The following TMC7 variants were observed in gnomAD, a reference collection of about 807,000 sequenced individuals.
TMC7 encodes transmembrane channel like 7.
TMC7 carries 54 observed loss-of-function variants against 82.9 expected under a neutral mutation model. That is an observed-to-expected ratio of 0.65 (90% CI 0.52 to 0.82). TMC7 has a LOEUF of 0.82. Among genes scored for constraint, TMC7 ranks in the 40% least tolerant of loss-of-function variants. The pLI, the probability that TMC7 is intolerant of heterozygous loss-of-function variation, is 0.00. For synonymous variants in TMC7, 350 were observed against 337.9 expected (o/e 1.04, Z -0.39); for missense variants, 820 against 901.2 (o/e 0.91, Z 1.15).
intron 2 of TMC7, among the ~76,000 whole-genome samples, chr16:19,010,519 G>T (rs150372966): frequency 5.8e-4 from 88 of 152,290 alleles, no homozygotes; most frequent in African/African-American, 2.0e-3. Flanking sequence ...CAGCCATTCA[G>T]GGACCCAGGC....
intron 13 of TMC7, among the ~76,000 whole-genome samples, chr16:19,054,951 T>C (rs1486070011): frequency 1.3e-5 from 2 of 152,042 alleles, no homozygotes; most frequent in South Asian, 2.1e-4. Context: ...TTTCGCCATA[T>C]TGGGCAGGCT....
At chr16:19,023,500 G>T (rs762615659) in intron 5 of TMC7, among the ~76,000 whole-genome samples, 1 of 152,278 alleles carries the variant, frequency 6.6e-6, no homozygotes, top group South Asian at 2.1e-4. Context: ...AGGCTGGAGT[G>T]CAGTGGTGCA....
In TMC7 at chr16:18,989,044, C is replaced by T. The variant is rs560574298; in HGVS notation, c.67+4914C>T. Reference sequence around the variant, plus strand: ...CTCCAGCCTGGGCAACAGAGTGAGACTCTGTCTCAAAAAAAAAAAAAAAAG... The same window carrying T: ...CTCCAGCCTGGGCAACAGAGTGAGATTCTGTCTCAAAAAAAAAAAAAAAAG... On this transcript the variant is annotated intron_variant, in intron 1 of 15. Coordinates refer to ENST00000304381, the MANE Select transcript of TMC7 (RefSeq NM_024847.4). 6.4e-5 allele frequency among the ~76,000 whole-genome samples: 9 copies of T among 139,964 alleles called. No individual in the cohort carries two copies. In the South Asian group the frequency reaches 1.6e-3, roughly 25 times the overall value. The allele number at this position is 139,964 out of a possible 152,430, so 91.8% of individuals were successfully genotyped here.
In TMC7 at chr16:19,021,803, G is replaced by T. The variant is rs61744482; in HGVS notation, c.628+7G>T. On this transcript the variant is annotated splice_region_variant and intron_variant, in intron 4 of 15. Coordinates refer to ENST00000304381, the MANE Select transcript of TMC7 (RefSeq NM_024847.4). ...ATTCCTTTCAAAGACATGGGTGAGT[G>T]TAAGGCCTGGTTTACTACGAAGTGT... 14,124 of 1,613,642 alleles carry T rather than the reference G, an allele frequency of 8.8e-3. 106 individuals carry two copies. Among genetic ancestry groups the T allele is most frequent in the Middle Eastern group, 0.039 (239 of 6,054 alleles).
chr16:19,062,461 C>T lies in TMC7; in HGVS notation c.*618C>T, dbSNP rs1962048607. ...TGACCAACGTGGAGAAACTCCGTCT[C>T]CACTAAAATACAAAATTAGCTGGGT... is the stretch of plus-strand genomic sequence containing the variant. On this transcript the variant is annotated 3_prime_UTR_variant, in exon 16 of 16. Coordinates refer to ENST00000304381, the MANE Select transcript of TMC7 (RefSeq NM_024847.4). 1 of 152,228 alleles carries T rather than the reference C, an allele frequency of 6.6e-6. No individual in the cohort carries two copies. The highest frequency in any genetic ancestry group is 1.5e-5 in the Non-Finnish European group (1 of 68,052). The allele number at this position is 152,228 out of a possible 1,614,324, so 9.4% of individuals were successfully genotyped here. A position where few individuals can be genotyped will look rare whatever the true frequency, so the allele number is the denominator to read the frequency against.
chr16:18,984,244 C>A, intron 1 of TMC7, 114 bp downstream of exon 1: 1 of 1,343,224 alleles, frequency 7.4e-7, no homozygotes, highest in South Asian at 1.9e-5. Flanking sequence ...CCCCCGACGC[C>A]GGGTGCTCCC....
intron 1 of TMC7, among the ~76,000 whole-genome samples, chr16:19,001,717 G>A (rs976992653): frequency 1.3e-5 from 2 of 152,170 alleles, no homozygotes; most frequent in Non-Finnish European, 2.9e-5. Flanking sequence ...AGTAGTAACA[G>A]GGGTGAGTGA....
Position 19,044,882 on chromosome 16 carries a change from A to T in TMC7, c.1338-2A>T, listed in dbSNP as rs367577892. 3.7e-6 allele frequency: 6 copies of T among 1,612,296 alleles called. No homozygotes were observed. In the African/African-American group the frequency reaches 4.0e-5, roughly 11 times the overall value. On this transcript the variant is annotated splice_acceptor_variant, in intron 9 of 15. Transcript: ENST00000304381. LOFTEE classifies it high-confidence loss of function. ...CCATCCTCTCTCCTTCTCTCCCCGAAGGTGTGTCTTTATGCGGCTGGCCAC... is the reference window on the plus strand; with the variant it reads ...CCATCCTCTCTCCTTCTCTCCCCGATGGTGTGTCTTTATGCGGCTGGCCAC...
At chr16:18,999,646 T>TG (rs1334281147) in intron 1 of TMC7, among the ~76,000 whole-genome samples, 1 of 152,200 alleles carries the variant, frequency 6.6e-6, no homozygotes, top group Admixed American at 6.5e-5. Context: ...AATAGATGGA[T>TG]GGGTGGGTGG....
At chr16:19,029,996 G>C (rs987992629) in intron 5 of TMC7, among the ~76,000 whole-genome samples, 1 of 151,970 alleles carries the variant, frequency 6.6e-6, no homozygotes, top group South Asian at 2.1e-4. Context: ...GATTACAGGC[G>C]TGAGCCACCT....
Position 19,023,167 on chromosome 16 carries a change from G to A in TMC7, c.683G>A (p.Ser228Asn), listed in dbSNP as rs1012107521. ...VSSSGLIYFY[S>N]YIIDLLSGTG... ...AGTTCTGGACTCATTTACTTTTACA[G>A]TTATATCATAGACTTGCTTTCTGGC... is the stretch of plus-strand genomic sequence containing the variant. The change falls in exon 5 of 16, where the codon AGT becomes AAT. Residue 228 changes from serine (S) to asparagine (N), a missense_variant. Transcript: ENST00000304381. 2.5e-6 allele frequency: 4 copies of A among 1,607,810 alleles called. No homozygotes were observed. Among genetic ancestry groups the A allele is most frequent in the African/African-American group, 2.7e-5 (2 of 74,730 alleles).
intron 1 of TMC7, among the ~76,000 whole-genome samples, chr16:18,993,553 G>A (rs1406699042): frequency 6.6e-6 from 1 of 152,212 alleles, no homozygotes; most frequent in Non-Finnish European, 1.5e-5. Context: ...TGAAACGCTA[G>A]CTGCTTCTTT....
Position 18,984,012 on chromosome 16 carries a change from G to A in TMC7, c.-52G>A. ...GAAGGCCGGGGAGGCGGCGGCGGCG[G>A]CGGCGGCTGGAGAGGGTCCTCGGCA... is the stretch of plus-strand genomic sequence containing the variant. On this transcript the variant is annotated 5_prime_UTR_variant, in exon 1 of 16. Transcript: ENST00000304381. 7.3e-7 allele frequency: 1 copy of A among 1,374,952 alleles called. No homozygotes were observed. Among genetic ancestry groups the A allele is most frequent in the Admixed American group, 3.7e-5 (1 of 27,076 alleles). 85.2% of individuals were successfully genotyped at this position (1,374,952 alleles called of 1,614,324 possible).
At chr16:19,010,461 A>G (rs1959261277) in intron 2 of TMC7, among the ~76,000 whole-genome samples, 1 of 152,034 alleles carries the variant, frequency 6.6e-6, no homozygotes, top group Non-Finnish European at 1.5e-5. Flanking sequence ...GCAGAAGTTT[A>G]TTTCTTGCTA....
At chr16:19,039,794 A>G (rs940958713) in intron 8 of TMC7, among the ~76,000 whole-genome samples, 3 of 152,202 alleles carry the variant, frequency 2.0e-5, no homozygotes, top group Non-Finnish European at 4.4e-5. Context: ...CCTGCACAGT[A>G]CTAGATACCT....
chr16:19,005,692 CTTTG>C (rs922074665), intron 1 of TMC7, among the ~76,000 whole-genome samples: 4 of 152,118 alleles, frequency 2.6e-5, no homozygotes, highest in African/African-American at 9.7e-5. Flanking sequence ...ATTCAAAGAC[CTTTG>C]TTTGTGGCTA....
At position 19,056,679 on chromosome 16, in the gene TMC7, C is replaced by T; in HGVS notation, c.2009C>T (p.Pro670Leu). ...HGVTSEAFAV[P>L]FFMIICLIMF... Reference sequence around the variant, plus strand: ...GTCACATCCGAAGCCTTTGCAGTTCCTTTCTTCATGATTATTTGGTGAGTG... The same window carrying T: ...GTCACATCCGAAGCCTTTGCAGTTCTTTTCTTCATGATTATTTGGTGAGTG... Residue 670 changes from proline to leucine, a missense_variant, in exon 14 of 16, where the codon CCT (proline) becomes CTT (leucine). By Grantham distance (98) the Pro-to-Leu change is moderately conservative. This residue lies in a region of TMC7 where 170 missense variants were observed against 231.3 expected (regional missense o/e 0.74). Transcript: ENST00000304381. The T allele has an allele frequency of 6.2e-7, 1 of 1,613,976 alleles. No individual in the cohort carries two copies.
intron 9 of TMC7, among the ~76,000 whole-genome samples, chr16:19,042,515 TTC>T (rs1342374906): frequency 1.3e-5 from 2 of 150,762 alleles, no homozygotes; most frequent in African/African-American, 2.4e-5. Flanking sequence ...TTTTTTTTTT[TTC>T]TTTTTTTTGA....
intron 1 of TMC7, among the ~76,000 whole-genome samples, chr16:19,001,959 T>C (rs762796849): frequency 2.6e-5 from 4 of 152,180 alleles, no homozygotes; most frequent in African/African-American, 7.2e-5. Flanking sequence ...GTTTCCATGA[T>C]ACTTTGTGTG....
Sources: allele counts gnomAD v4.1 joint callset (sites outside exome capture counted in the v4.1 genomes callset), GRCh38; gene constraint gnomAD v4.1.1; regional missense constraint gnomAD v4.1.1; transcripts MANE v1.5; gene names NCBI Gene and HGNC (gene_info 2026-07-23, HGNC 2026-07-21).